ADARB2: variants seen among roughly 807,000 people sequenced by gnomAD.
The protein encoded by ADARB2 is adenosine deaminase RNA specific B2 (inactive).
Under a neutral mutation model 62.2 loss-of-function variants are expected in ADARB2, and 25 were observed. The observed-to-expected ratio is 0.40, with a 90% CI of 0.29 to 0.56. The LOEUF (loss-of-function observed/expected upper bound fraction) is 0.56. ADARB2 is among the 20% of genes least tolerant of loss of function. The pLI, the probability that ADARB2 is intolerant of heterozygous loss-of-function variation, is 0.43. For missense variants in ADARB2, 1,071 were observed against 1,077.4 expected, an observed-to-expected ratio of 0.99 and a Z score of 0.08; for synonymous variants, 572 against 500.8, an observed-to-expected ratio of 1.14 and a Z score of -1.90.
At chr10:1,617,194 G>A (rs571159147) in intron 1 of ADARB2, among the ~76,000 whole-genome samples, 1 of 145,264 alleles carries the variant, frequency 6.9e-6, no homozygotes, top group Admixed American at 6.8e-5. Context: ...GTTGCTAGAT[G>A]TTTGTGTGCC....
intron 1 of ADARB2, among the ~76,000 whole-genome samples, chr10:1,725,222 G>C (rs539869019): frequency 6.6e-6 from 1 of 152,248 alleles, no homozygotes; most frequent in East Asian, 1.9e-4. Flanking sequence ...TGAATTTTTA[G>C]TGAATATATT....
In ADARB2 at chr10:1,398,454, C is replaced by A. The variant is rs1022033709; in HGVS notation, c.101-19294G>T. Among the ~76,000 whole-genome samples the A allele has an allele frequency of 6.6e-6, 1 of 152,128 alleles. No individual in the cohort carries two copies. Among genetic ancestry groups the A allele is most frequent in the African/African-American group, 2.4e-5 (1 of 41,430 alleles). On this transcript the variant is annotated intron_variant, in intron 1 of 9. Coordinates refer to ENST00000381312, the MANE Select transcript of ADARB2 (RefSeq NM_018702.4). This position sits in a 1 kb window ranked among gnomAD's most constrained non-coding sequence, Gnocchi z 4.1. ...GTTTCTTCCTTGGTCCTCCCACTCG[C>A]TCCTGTTTTTCAGGGCCCCTCCTCT...
chr10:1,358,802 GAAAT>G (rs1479660942), intron 3 of ADARB2, among the ~76,000 whole-genome samples: 4 of 152,114 alleles, frequency 2.6e-5, no homozygotes, highest in African/African-American at 2.4e-5. Context: ...AAAAAACAAA[GAAAT>G]AAAGGGGGTA....
intron 1 of ADARB2, among the ~76,000 whole-genome samples, chr10:1,646,897 G>T (rs750098658): frequency 1.3e-5 from 2 of 152,196 alleles, no homozygotes; most frequent in Non-Finnish European, 2.9e-5. Context: ...CAGTGCCTGC[G>T]TGCCTGCGAC....
At chr10:1,646,348 G>A (rs1040179957) in intron 1 of ADARB2, among the ~76,000 whole-genome samples, 2 of 152,208 alleles carry the variant, frequency 1.3e-5, no homozygotes, top group African/African-American at 2.4e-5. Context: ...GCATCTTGAG[G>A]GACTATTTTC....
chr10:1,526,846 G>C (rs1345135261), intron 1 of ADARB2: 1 of 514,054 alleles, frequency 1.9e-6, no homozygotes, highest in Non-Finnish European at 4.0e-6. Flanking sequence ...GGTCGTGAGC[G>C]GGCACAGGCA....
At chr10:1,422,746 A>G (rs1832861941) in intron 1 of ADARB2, among the ~76,000 whole-genome samples, 2 of 152,220 alleles carry the variant, frequency 1.3e-5, no homozygotes, top group Admixed American at 1.3e-4. Context: ...ATGTGTCACC[A>G]AGCATAGGCT....
chr10:1,179,607 C>G lies in ADARB2; in HGVS notation c.*3586G>C, dbSNP rs2131730576. 6.6e-6 allele frequency: 1 copy of G among 152,354 alleles called. No individual in the cohort carries two copies. Among genetic ancestry groups the G allele is most frequent in the East Asian group, 1.9e-4 (1 of 5,184 alleles). The allele number at this position is 152,354 out of a possible 1,614,324, so 9.4% of individuals were successfully genotyped here. ...AGACACTAACTTTTTGACTAAGAACCAGGCCGGAAACCACATTGCTGATCT... is the reference window on the plus strand; with the variant it reads ...AGACACTAACTTTTTGACTAAGAACGAGGCCGGAAACCACATTGCTGATCT... On this transcript the variant is annotated 3_prime_UTR_variant, in exon 10 of 10. Transcript: ENST00000381312.
chr10:1,245,718 T>G (rs1380618283), intron 4 of ADARB2, among the ~76,000 whole-genome samples: 1 of 152,242 alleles, frequency 6.6e-6, no homozygotes, highest in African/African-American at 2.4e-5. Context: ...GTGCCACATT[T>G]TCTGAAACCA....
intron 1 of ADARB2, among the ~76,000 whole-genome samples, chr10:1,662,983 C>G (rs961927722): frequency 1.3e-5 from 2 of 152,202 alleles, no homozygotes; most frequent in Admixed American, 1.3e-4. Flanking sequence ...ACGCGGAACA[C>G]GACATCACCA....
chr10:1,208,943 G>T (rs575926072), intron 7 of ADARB2, among the ~76,000 whole-genome samples: 5 of 152,328 alleles, frequency 3.3e-5, no homozygotes, highest in Middle Eastern at 3.4e-3. Flanking sequence ...TGCTGTCAGG[G>T]CACTGAGGCA....
At chr10:1,260,032 A>G (rs1240159118) in intron 4 of ADARB2, among the ~76,000 whole-genome samples, 2 of 152,218 alleles carry the variant, frequency 1.3e-5, no homozygotes, top group Non-Finnish European at 2.9e-5. Flanking sequence ...GCATATAAAC[A>G]GAACCAAAGG....
At chr10:1,357,051 G>C (rs1433063918) in intron 3 of ADARB2, among the ~76,000 whole-genome samples, 1 of 152,158 alleles carries the variant, frequency 6.6e-6, no homozygotes. Context: ...AATTTTACAC[G>C]TAAGTGAAAT....
chr10:1,448,639 T>G (rs1830999214), intron 1 of ADARB2, among the ~76,000 whole-genome samples: 1 of 152,186 alleles, frequency 6.6e-6, no homozygotes. Context: ...TATGTTAACA[T>G]CTTTATTTCC....
At chr10:1,334,389 T>G (rs777779735) in intron 3 of ADARB2, among the ~76,000 whole-genome samples, 73 of 152,242 alleles carry the variant, frequency 4.8e-4, no homozygotes, top group Admixed American at 3.6e-3. Context: ...GCTCGTGGAC[T>G]CCTCACTGTG....
chr10:1,448,443 A>G (rs1333861979), intron 1 of ADARB2, among the ~76,000 whole-genome samples: 3 of 152,182 alleles, frequency 2.0e-5, no homozygotes, highest in Admixed American at 2.0e-4. Flanking sequence ...TAGCCAACCT[A>G]TTCAGCATAG....
chr10:1,352,248 A>G (rs1832150884), intron 3 of ADARB2, among the ~76,000 whole-genome samples: 1 of 152,058 alleles, frequency 6.6e-6, no homozygotes, highest in Non-Finnish European at 1.5e-5. Flanking sequence ...TCTACAAAAC[A>G]ACTCCTTTCC....
chr10:1,213,244 GAC>G (rs1837184070), intron 7 of ADARB2, among the ~76,000 whole-genome samples: 1 of 152,088 alleles, frequency 6.6e-6, no homozygotes, highest in African/African-American at 2.4e-5. Flanking sequence ...GAGAGACAAG[GAC>G]AGAGATGGAG....
At chr10:1,302,994 G>T (rs1407606854) in intron 3 of ADARB2, among the ~76,000 whole-genome samples, 3 of 152,204 alleles carry the variant, frequency 2.0e-5, no homozygotes, top group Non-Finnish European at 4.4e-5. Flanking sequence ...AAGGAACACA[G>T]CTCCTCACCA....
Sources: allele counts gnomAD v4.1 joint callset (sites outside exome capture counted in the v4.1 genomes callset), GRCh38; gene constraint gnomAD v4.1.1; non-coding constraint Gnocchi (gnomAD v3.1); transcripts MANE v1.5; gene names NCBI Gene and HGNC (gene_info 2026-07-23, HGNC 2026-07-21).